LYST: variants seen among roughly 807,000 people sequenced by gnomAD.
LYST encodes the protein lysosomal trafficking regulator.
LYST carries 192 observed loss-of-function variants against 413.6 expected under a neutral mutation model. That is an observed-to-expected ratio of 0.46 (90% CI 0.41 to 0.52). LYST has a LOEUF of 0.52. Among genes scored for constraint, LYST ranks in the 20% least tolerant of loss-of-function variants. LYST has a pLI of 0.00. For missense variants in LYST, 3,815 were observed against 4,499.9 expected (o/e 0.85, Z 4.35); for synonymous variants, 1,525 against 1,567.3 (o/e 0.97, Z 0.64).
At chr1:235,754,229 CTTTTTTT>C (rs71576486) in intron 25 of LYST, among the ~76,000 whole-genome samples, 46 of 86,572 alleles carry the variant, frequency 5.3e-4, no homozygotes, top group African/African-American at 1.4e-3. Flanking sequence ...CTTTTCTTTT[CTTTTTTT>C]TTTTTTTTTT....
chr1:235,793,701 T>C (rs747020854), intron 10 of LYST, 89 bp from the exon 11 acceptor site: 1 of 706,758 alleles, frequency 1.4e-6, no homozygotes, highest in Non-Finnish European at 2.5e-6. Context: ...AAAATACTAT[T>C]GTCACTTTTT....
chr1:235,675,447 G>A (rs1045824503), intron 50 of LYST, among the ~76,000 whole-genome samples: 2 of 151,932 alleles, frequency 1.3e-5, no homozygotes, highest in East Asian at 1.9e-4. Flanking sequence ...TCCTTTTTTC[G>A]GTGTGCTCTT....
intron 40 of LYST, among the ~76,000 whole-genome samples, chr1:235,718,388 ACT>A (rs1663041715): frequency 6.8e-6 from 1 of 146,498 alleles, no homozygotes; most frequent in Non-Finnish European, 1.5e-5. Flanking sequence ...AGACAGTTTC[ACT>A]CTGTCACCCA....
intron 31 of LYST, chr1:235,736,084 C>T (rs530158259): frequency 9.2e-5 from 14 of 152,210 alleles, no homozygotes; most frequent in African/African-American, 3.4e-4. Flanking sequence ...AAAGGAAACA[C>T]ATGATTTTCT....
intron 50 of LYST, among the ~76,000 whole-genome samples, chr1:235,667,944 AGCCACCGTGCCT>A (rs1455665479): frequency 6.6e-6 from 1 of 152,106 alleles, no homozygotes; most frequent in Non-Finnish European, 1.5e-5. Context: ...TTACAGGCAT[AGCCACCGTGCCT>A]GGCCTCCTCC....
At chr1:235,882,066 A>G (rs1356132241) in intron 1 of LYST, among the ~76,000 whole-genome samples, 2 of 146,744 alleles carry the variant, frequency 1.4e-5, no homozygotes, top group South Asian at 2.3e-4. Context: ...ATACACACAC[A>G]CACTCTTTCT....
chr1:235,742,496 G>T (rs1310078716), intron 30 of LYST, among the ~76,000 whole-genome samples: 1 of 151,174 alleles, frequency 6.6e-6, no homozygotes, highest in Admixed American at 6.6e-5. Flanking sequence ...GGTGGCAATG[G>T]TTGCACAACA....
At chr1:235,843,765 A>C (rs1677477492) in intron 1 of LYST, among the ~76,000 whole-genome samples, 1 of 152,198 alleles carries the variant, frequency 6.6e-6, no homozygotes, top group East Asian at 1.9e-4. Context: ...AAAAGGAAAA[A>C]ACAACAAAAA....
At chr1:235,683,976 G>C (rs1237719921) in intron 48 of LYST, among the ~76,000 whole-genome samples, 1 of 152,104 alleles carries the variant, frequency 6.6e-6, no homozygotes, top group Non-Finnish European at 1.5e-5. Flanking sequence ...CTGTTAAATA[G>C]TAACTATTAA....
chr1:235,695,686 G>A (rs2103081893), intron 46 of LYST, among the ~76,000 whole-genome samples: 1 of 140,466 alleles, frequency 7.1e-6, no homozygotes, highest in Non-Finnish European at 1.5e-5. Context: ...AGGCTGGAGT[G>A]CAATGGTGCG....
intron 31 of LYST, chr1:235,737,915 G>GACCAAGGC: frequency 8.6e-7 from 1 of 1,160,568 alleles, no homozygotes; most frequent in Admixed American, 4.4e-5. Context: ...CGCTGCCGAC[G>GACCAAGGC]AGTCTGGATC....
intron 11 of LYST, 72 bp from the exon 12 acceptor site, chr1:235,792,197 T>G: frequency 9.7e-7 from 1 of 1,026,510 alleles, no homozygotes; most frequent in Non-Finnish European, 1.5e-6. Context: ...GAAATTTAGG[T>G]TATAAATGAA....
intron 44 of LYST, among the ~76,000 whole-genome samples, chr1:235,708,048 T>C (rs911320189): frequency 6.6e-6 from 1 of 152,184 alleles, no homozygotes; most frequent in Non-Finnish European, 1.5e-5. Flanking sequence ...AAGAATGCTC[T>C]ACCTATAGTA....
intron 18 of LYST, 45 bp from the exon 19 acceptor site, chr1:235,774,036 A>G (rs748092187): frequency 7.6e-7 from 1 of 1,321,382 alleles, no homozygotes; most frequent in Admixed American, 1.7e-5. Flanking sequence ...GTAATTGGTT[A>G]ATCAGGAAGT....
chr1:235,804,476 G>A (rs371593424), intron 7 of LYST, 28 bp downstream of exon 7: 1 of 1,587,514 alleles, frequency 6.3e-7, no homozygotes, highest in Non-Finnish European at 8.7e-7. Flanking sequence ...CATACCCAAA[G>A]AACACAACTA....
At chr1:235,667,785 C>T (rs1379565076) in intron 50 of LYST, among the ~76,000 whole-genome samples, 1 of 152,034 alleles carries the variant, frequency 6.6e-6, no homozygotes, top group Non-Finnish European at 1.5e-5. Flanking sequence ...GCCTCAGCCT[C>T]CTGGGTAGCT....
At chr1:235,816,307 G>A (rs1207922378) in intron 3 of LYST, among the ~76,000 whole-genome samples, 1 of 150,758 alleles carries the variant, frequency 6.6e-6, no homozygotes, top group Non-Finnish European at 1.5e-5. Flanking sequence ...CAGGCATGAT[G>A]CCATGTGCCT....
At position 235,809,612 on chromosome 1, in the gene LYST, A is replaced by G. The variant is rs576433116; in HGVS notation, c.1206T>C (p.Pro402=). ...TCTGAAGAACTCCTTCCAAAAGCTC[A>G]GGTAAAAGAAGGGCTCTATGACGAT... The part of the protein sequence containing the change: ...SKYRHRALLL[P]ELLEGVLQIL... Residue 402 remains proline (P), a synonymous_variant, in exon 5 of 53, where the codon CCT becomes CCC. Transcript: ENST00000389793. This position sits in a 1 kb window ranked among gnomAD's most constrained non-coding sequence, Gnocchi z 4.0. 12 of 1,613,918 alleles carry G rather than the reference A, an allele frequency of 7.4e-6. No homozygotes were observed. The highest frequency in any genetic ancestry group is 9.3e-6 in the Non-Finnish European group (11 of 1,179,902).
intron 1 of LYST, among the ~76,000 whole-genome samples, chr1:235,837,134 T>C (rs1414871258): frequency 2.0e-5 from 3 of 151,492 alleles, no homozygotes; most frequent in African/African-American, 4.9e-5. Flanking sequence ...AGAGAATGAG[T>C]GTAAGGGAGC....
Sources: gnomAD v4.1 joint callset for allele counts (sites outside exome capture counted in the v4.1 genomes callset) on GRCh38, gnomAD v4.1.1 for gene constraint, Gnocchi (gnomAD v3.1) non-coding constraint, MANE v1.5 for transcripts, NCBI Gene and HGNC (gene_info 2026-07-23, HGNC 2026-07-21) for gene names.